Variants in NEK1 observed in about 807,000 individuals in gnomAD.
NEK1 encodes the protein serine/threonine-protein kinase Nek1.
NEK1 carries 137 observed loss-of-function variants against 182.1 expected under a neutral mutation model. The observed-to-expected ratio is 0.75, with a 90% CI of 0.65 to 0.87. The LOEUF is 0.87. Among genes scored for constraint, NEK1 ranks in the 40% least tolerant of loss-of-function variants. The probability of loss-of-function intolerance (pLI) is 0.00; values close to 1 mark genes in which losing one functional copy is unlikely to be tolerated. For synonymous variants in NEK1, 513 were observed against 492.2 expected (o/e 1.04, Z -0.56); for missense variants, 1,391 against 1,494.4 (o/e 0.93, Z 1.14).
At chr4:169,526,613 C>T (rs1238062188) in intron 19 of NEK1, among the ~76,000 whole-genome samples, 2 of 152,222 alleles carry the variant, frequency 1.3e-5, no homozygotes, top group African/African-American at 4.8e-5. Context: ...TGTTTTAATT[C>T]ACTGTGGTTT....
chr4:169,570,546 A>G (rs554325190), intron 12 of NEK1, among the ~76,000 whole-genome samples: 29 of 145,256 alleles, frequency 2.0e-4, no homozygotes, highest in African/African-American at 7.5e-4. Flanking sequence ...CCCGTCCGGG[A>G]GGGAGGTGGG....
chr4:169,439,621 A>T (rs762591420), intron 27 of NEK1, among the ~76,000 whole-genome samples: 3 of 152,158 alleles, frequency 2.0e-5, no homozygotes, highest in Non-Finnish European at 4.4e-5. Context: ...ATTATTAAAG[A>T]TTGCTTTAGT....
At chr4:169,584,632 T>C (rs764866309) in intron 10 of NEK1, among the ~76,000 whole-genome samples, 49 of 152,130 alleles carry the variant, frequency 3.2e-4, no homozygotes, top group Non-Finnish European at 4.9e-4. Context: ...TAAAAAAAAT[T>C]TGTATTAGTA....
intron 19 of NEK1, among the ~76,000 whole-genome samples, chr4:169,522,051 G>C (rs1174600542): frequency 6.6e-6 from 1 of 152,170 alleles, no homozygotes; most frequent in South Asian, 2.1e-4. Context: ...TCTTGGGACT[G>C]ATAATTTCAG....
chr4:169,508,549 T>G (rs1158461419), intron 20 of NEK1, among the ~76,000 whole-genome samples: 1 of 152,164 alleles, frequency 6.6e-6, no homozygotes, highest in African/African-American at 2.4e-5. Context: ...AAATTACAAA[T>G]TTTTAATTTA....
chr4:169,601,013 C>T (rs1334110677), intron 4 of NEK1, among the ~76,000 whole-genome samples: 2 of 151,862 alleles, frequency 1.3e-5, no homozygotes, highest in African/African-American at 4.8e-5. Flanking sequence ...AGGATAGATG[C>T]CAGGAGAAAG....
chr4:169,424,353 G>T (rs1735994980), intron 31 of NEK1, among the ~76,000 whole-genome samples, 200 bp downstream of exon 31: 1 of 152,132 alleles, frequency 6.6e-6, no homozygotes. Context: ...AAAAAATCCT[G>T]AACAGGAAGC....
intron 18 of NEK1, chr4:169,554,633 A>G (rs1265219238): frequency 2.6e-5 from 4 of 152,192 alleles, no homozygotes; most frequent in Non-Finnish European, 5.9e-5. Context: ...AAGGCAGTAA[A>G]GCAACCAGTG....
chr4:169,574,556 G>A (rs1029118687), intron 12 of NEK1, among the ~76,000 whole-genome samples: 3 of 150,780 alleles, frequency 2.0e-5, no homozygotes, highest in African/African-American at 4.9e-5. Flanking sequence ...GCAATGAGCT[G>A]AGATTGTGCC....
chr4:169,512,531 T>C (rs867314225), intron 19 of NEK1, among the ~76,000 whole-genome samples: 32 of 152,250 alleles, frequency 2.1e-4, no homozygotes, highest in Non-Finnish European at 2.1e-4. Context: ...ATAAGTGCTA[T>C]ACAAACATTT....
chr4:169,438,104 T>C lies in NEK1; in HGVS notation c.2743A>G (p.Lys915Glu), dbSNP rs1365936212. ...ATACCTTCTAAATTTCCTTCCAGTTTCAATGACATCTGTGGAGATGCCTCA... is the reference window on the plus strand; with the variant it reads ...ATACCTTCTAAATTTCCTTCCAGTTCCAATGACATCTGTGGAGATGCCTCA... ...FSEASPQMSLKLEGNLEEPDD... is the reference protein window; with the variant it reads ...FSEASPQMSLELEGNLEEPDD... The change falls in exon 28 of 36, where the codon AAA becomes GAA. Residue 915 changes from lysine (K) to glutamate (E), a missense_variant. Transcript: ENST00000507142. The C allele has an allele frequency of 1.2e-6, 2 of 1,611,746 alleles. No homozygotes were observed. Among genetic ancestry groups the C allele is most frequent in the Non-Finnish European group, 1.7e-6 (2 of 1,179,076 alleles).
intron 31 of NEK1, among the ~76,000 whole-genome samples, chr4:169,412,310 CTG>C (rs1263182144): frequency 6.6e-6 from 1 of 152,176 alleles, no homozygotes; most frequent in Non-Finnish European, 1.5e-5. Context: ...GAATACAAGA[CTG>C]TATCACTGGC....
At chr4:169,494,645 T>C (rs1367300159) in intron 23 of NEK1, among the ~76,000 whole-genome samples, 1 of 152,228 alleles carries the variant, frequency 6.6e-6, no homozygotes, top group Non-Finnish European at 1.5e-5. Context: ...ATGGTATTTC[T>C]AGTTCTAGAT....
chr4:169,477,792 T>G (rs1159879280), intron 24 of NEK1, among the ~76,000 whole-genome samples: 1 of 151,882 alleles, frequency 6.6e-6, no homozygotes, highest in East Asian at 1.9e-4. Flanking sequence ...TTTTGGTAAT[T>G]TAAGTCAGAA....
chr4:169,583,814 C>T (rs1240950609), intron 10 of NEK1, among the ~76,000 whole-genome samples: 1 of 152,220 alleles, frequency 6.6e-6, no homozygotes, highest in East Asian at 1.9e-4. Context: ...ATGACCTATA[C>T]AAGTAACCTT....
rs1187594866 is a variant in NEK1 at position 169,508,282 on chromosome 4, C to T, written c.1799G>A (p.Arg600His). ...RQIRLQNFNE[R>H]QQIKAKLRGE... ...ACGAAGTTTGGCTTTAATCTGTTGG[C>T]GCTCATTGAAATTCTGTAGTCTTAT... Residue 600 changes from arginine (R) to histidine (H), a missense_variant, in exon 21 of 36, where the codon CGC becomes CAC. Physicochemically the swap from Arg to His is conservative, Grantham distance 29 (BLOSUM62 0). Transcript: ENST00000507142. 12 of 1,594,834 alleles carry T rather than the reference C, an allele frequency of 7.5e-6. No homozygotes were observed. Among genetic ancestry groups the T allele is most frequent in the African/African-American group, 5.4e-5 (4 of 74,318 alleles).
At chr4:169,439,601 C>CATT (rs1312256006) in intron 27 of NEK1, among the ~76,000 whole-genome samples, 3 of 151,872 alleles carry the variant, frequency 2.0e-5, no homozygotes, top group African/African-American at 7.3e-5. Context: ...TACCATATCG[C>CATT]ATTATTATTA....
At chr4:169,484,120 C>A (rs191887344) in intron 23 of NEK1, among the ~76,000 whole-genome samples, 23 of 152,266 alleles carry the variant, frequency 1.5e-4, no homozygotes, top group South Asian at 8.3e-4. Context: ...AAGAAATATA[C>A]TTTGAATGAA....
chr4:169,494,929 A>G (rs1750875259), intron 23 of NEK1, among the ~76,000 whole-genome samples: 3 of 152,156 alleles, frequency 2.0e-5, no homozygotes, highest in Admixed American at 6.6e-5. Flanking sequence ...TCCTTCGCCC[A>G]CTTTGTGATG....
Sources: gnomAD v4.1 joint callset for allele counts (sites outside exome capture counted in the v4.1 genomes callset) on GRCh38, gnomAD v4.1.1 for gene constraint, MANE v1.5 for transcripts, NCBI Gene and HGNC (gene_info 2026-07-23, HGNC 2026-07-21) for gene names.